Variants in MYO1E observed in about 807,000 individuals in gnomAD.
MYO1E encodes the protein unconventional myosin-Ie.
A neutral mutation model predicts 151.1 loss-of-function variants in MYO1E; 68 were observed. The ratio of observed to expected loss-of-function variants is 0.45; its 90% CI spans 0.37 to 0.55. MYO1E has a LOEUF of 0.55. Ranked by LOEUF, MYO1E falls within the 20% of genes least tolerant of loss-of-function variation. MYO1E has a pLI of 0.00. For missense variants in MYO1E, 1,363 were observed against 1,389.3 expected (o/e 0.98, Z 0.30); for synonymous variants, 601 against 501.7 (o/e 1.20, Z -2.64).
At position 59,175,614 on chromosome 15, in the gene MYO1E, T is replaced by C. The variant is rs1201517410; in HGVS notation, c.2050-1374A>G. ...TAAACCCCAAGTGGAATGCACAGATTAGCAACTGGACAGAATGTTTAAAAT... is the reference window on the plus strand; with the variant it reads ...TAAACCCCAAGTGGAATGCACAGATCAGCAACTGGACAGAATGTTTAAAAT... On this transcript the variant is annotated intron_variant, in intron 19 of 27. Transcript: ENST00000288235. 2.6e-5 allele frequency among the ~76,000 whole-genome samples: 4 copies of C among 152,226 alleles called. No individual in the cohort carries two copies. In the East Asian group the frequency reaches 7.7e-4, roughly 29 times the overall value.
chr15:59,207,374 C>G (rs761598983), intron 14 of MYO1E: 75 of 1,613,898 alleles, frequency 4.6e-5, no homozygotes, highest in Non-Finnish European at 4.7e-5. Flanking sequence ...ATTATCACAG[C>G]AGGTGCACGC....
At chr15:59,325,669 T>A (rs953490359) in intron 1 of MYO1E, among the ~76,000 whole-genome samples, 2 of 152,254 alleles carry the variant, frequency 1.3e-5, no homozygotes, top group Non-Finnish European at 2.9e-5. Context: ...TTCTTCATTA[T>A]CTTTTTAAAA....
At chr15:59,215,480 C>T (rs16941134) in intron 10 of MYO1E, among the ~76,000 whole-genome samples, 12,614 of 151,890 alleles carry the variant, frequency 0.083, 582 homozygotes, top group African/African-American at 0.099. Context: ...TCTTAATCAC[C>T]GTGAGAAGAG....
intron 3 of MYO1E, among the ~76,000 whole-genome samples, chr15:59,260,487 A>G (rs1331625828): frequency 6.6e-6 from 1 of 152,216 alleles, no homozygotes; most frequent in Non-Finnish European, 1.5e-5. Flanking sequence ...GTCAGGATTA[A>G]TGAATACTCT....
chr15:59,223,906 A>G (rs1183074113), intron 8 of MYO1E, among the ~76,000 whole-genome samples: 1 of 152,198 alleles, frequency 6.6e-6, no homozygotes, highest in Non-Finnish European at 1.5e-5. Flanking sequence ...TGACCTGTTG[A>G]TACCATTTTG....
rs1396270806 is a variant in MYO1E, at chr15:59,295,575, C to A, written c.4-23126G>T. On this transcript the variant is annotated intron_variant, in intron 1 of 27. Coordinates refer to ENST00000288235, the MANE Select transcript of MYO1E (RefSeq NM_004998.4). ...GTCTTCTTTCCAGAGGGAAAGGGAC[C>A]AACTACTGTAGTCAGATCCCCATCC... 2.0e-5 allele frequency among the ~76,000 whole-genome samples: 3 copies of A among 152,174 alleles called. No individual in the cohort carries two copies. In the East Asian group the frequency reaches 5.8e-4, roughly 29 times the overall value.
At chr15:59,273,183 G>T (rs1467423083) in intron 1 of MYO1E, among the ~76,000 whole-genome samples, 1 of 152,242 alleles carries the variant, frequency 6.6e-6, no homozygotes, top group African/African-American at 2.4e-5. Flanking sequence ...TTGGGTAGAT[G>T]AAGCTGTGGC....
intron 4 of MYO1E, among the ~76,000 whole-genome samples, chr15:59,243,768 T>G (rs1005223243): frequency 1.3e-5 from 2 of 151,628 alleles, no homozygotes; most frequent in Non-Finnish European, 2.9e-5. Context: ...TCACGCAGAG[T>G]TGGAACTAAC....
chr15:59,168,107 A>T (rs1387374079), intron 22 of MYO1E, among the ~76,000 whole-genome samples: 3 of 152,214 alleles, frequency 2.0e-5, no homozygotes, highest in Non-Finnish European at 4.4e-5. Context: ...TTTTTCTTGT[A>T]AATGAAAACT....
chr15:59,196,596 T>G (rs1301249239), intron 16 of MYO1E, among the ~76,000 whole-genome samples: 3 of 152,246 alleles, frequency 2.0e-5, no homozygotes, highest in African/African-American at 7.2e-5. Flanking sequence ...ATTAGGACTT[T>G]TCTGTTTTCA....
intron 5 of MYO1E, among the ~76,000 whole-genome samples, 199 bp downstream of exon 5, chr15:59,236,386 A>G (rs1459204723): frequency 7.5e-6 from 1 of 132,908 alleles, no homozygotes. Flanking sequence ...ACACACACAC[A>G]CACACACACA....
At chr15:59,261,282 TCAAA>T in intron 3 of MYO1E, 134 bp downstream of exon 3, 1 of 437,008 alleles carries the variant, frequency 2.3e-6, no homozygotes, top group East Asian at 3.8e-5. Context: ...TCATTAAAAA[TCAAA>T]CAATGTCACT....
At chr15:59,255,041 G>A (rs1334232655) in intron 4 of MYO1E, among the ~76,000 whole-genome samples, 2 of 152,098 alleles carry the variant, frequency 1.3e-5, no homozygotes, top group African/African-American at 4.8e-5. Context: ...GCCAAGGCTG[G>A]TCTTGAACTC....
At chr15:59,216,272 C>A (rs1156543007) in intron 10 of MYO1E, among the ~76,000 whole-genome samples, 3 of 151,820 alleles carry the variant, frequency 2.0e-5, no homozygotes, top group Admixed American at 6.6e-5. Flanking sequence ...ACAGAGTGAC[C>A]TTGGGCAAAT....
chr15:59,255,317 C>T (rs1300973267), intron 4 of MYO1E, among the ~76,000 whole-genome samples: 2 of 151,976 alleles, frequency 1.3e-5, no homozygotes, highest in African/African-American at 4.8e-5. Flanking sequence ...GGGGTTTCGC[C>T]ATGTTGCCCA....
At chr15:59,142,920 CAAAAA>C (rs10717979) in intron 26 of MYO1E, among the ~76,000 whole-genome samples, 4 of 87,216 alleles carry the variant, frequency 4.6e-5, no homozygotes, top group Non-Finnish European at 6.8e-5. Context: ...TAATTAGGTG[CAAAAA>C]AAAAAAAAAA....
At position 59,171,902 on chromosome 15, in the gene MYO1E, G is replaced by A; in HGVS notation, c.2475C>T (p.Ser825=). The A allele has an allele frequency of 6.2e-7, 1 of 1,614,164 alleles. No homozygotes were observed. Among genetic ancestry groups the A allele is most frequent in the Non-Finnish European group, 8.5e-7 (1 of 1,180,022 alleles). The stretch of plus-strand genomic sequence containing the variant: ...TCTGCACCTCCACTACTCACCTGAG[G>A]GACACAGACAAGATCCGTTCTATCT... The part of the protein sequence containing the change: ...KIEIERILSV[S]LSTMQDDIFI... The change falls in exon 22 of 28, where the codon TCC becomes TCT. Residue 825 remains serine (S), a synonymous_variant. Transcript: ENST00000288235.
In MYO1E at chr15:59,138,303, G is replaced by A. The variant is rs201946095; in HGVS notation, c.3145C>T (p.Pro1049Ser). The change falls in exon 27 of 28, where the codon CCC becomes TCC. Residue 1049 changes from proline to serine, a missense_variant. Coordinates refer to ENST00000288235, the MANE Select transcript of MYO1E (RefSeq NM_004998.4). ...AGGRPKPQPK[P>S]KPQVPQCKAL... The stretch of plus-strand genomic sequence containing the variant: ...TTGCACTGTGGCACCTGAGGCTTGG[G>A]CTTGGGCTGGGGCTTGGGTCTGCCC... The A allele has an allele frequency of 6.2e-7, 1 of 1,614,200 alleles. No homozygotes were observed. The highest frequency in any genetic ancestry group is 2.2e-5 in the East Asian group (1 of 44,882).
At chr15:59,369,909 A>T (rs535772677) in intron 1 of MYO1E, among the ~76,000 whole-genome samples, 1 of 152,280 alleles carries the variant, frequency 6.6e-6, no homozygotes, top group East Asian at 1.9e-4. Flanking sequence ...ACACTCACAC[A>T]GAAGAAGTCC....
Sources: gnomAD v4.1 joint callset for allele counts (sites outside exome capture counted in the v4.1 genomes callset) on GRCh38, gnomAD v4.1.1 for gene constraint, MANE v1.5 for transcripts, NCBI Gene and HGNC (gene_info 2026-07-23, HGNC 2026-07-21) for gene names.